Variants in MIA2 observed in about 807,000 individuals in gnomAD.
The protein encoded by MIA2 is melanoma inhibitory activity protein 2.
Under a neutral mutation model 167.8 loss-of-function variants are expected in MIA2, and 127 were observed. That is an observed-to-expected ratio of 0.76 (90% CI 0.66 to 0.88). The LOEUF is 0.88. Among genes scored for constraint, MIA2 ranks in the 40% least tolerant of loss-of-function variants. The pLI is 0.00. For missense variants in MIA2, 1,690 were observed against 1,624.7 expected (o/e 1.04, Z -0.69); for synonymous variants, 552 against 541.9 (o/e 1.02, Z -0.26).
intron 23 of MIA2, among the ~76,000 whole-genome samples, chr14:39,385,213 C>T (rs1280758374): frequency 2.0e-5 from 3 of 151,968 alleles, no homozygotes; most frequent in African/African-American, 7.3e-5. Context: ...CCTGACAAAC[C>T]CAAAGATCTA....
At chr14:39,279,686 A>T (rs976424664) in intron 9 of MIA2, 149 bp downstream of exon 9, 3 of 601,298 alleles carry the variant, frequency 5.0e-6, no homozygotes, top group Non-Finnish European at 8.6e-6. Context: ...ACACTTAACC[A>T]GTCTTACTAA....
At chr14:39,370,647 G>A (rs1462728606) in intron 23 of MIA2, 1 of 309,642 alleles carries the variant, frequency 3.2e-6, no homozygotes, top group Non-Finnish European at 6.6e-6. Flanking sequence ...TGCTGCCCGA[G>A]TCTGTCGCAC....
chr14:39,290,021 A>T (rs111580577), intron 9 of MIA2, among the ~76,000 whole-genome samples: 1 of 152,170 alleles, frequency 6.6e-6, no homozygotes, highest in Non-Finnish European at 1.5e-5. Flanking sequence ...ATAATTCTGG[A>T]TGCTTTTTCC....
intron 9 of MIA2, among the ~76,000 whole-genome samples, chr14:39,289,794 C>G (rs1484675230): frequency 6.6e-6 from 1 of 152,158 alleles, no homozygotes; most frequent in Non-Finnish European, 1.5e-5. Flanking sequence ...TAAAACCAAT[C>G]TTGGGGGCAA....
intron 23 of MIA2, among the ~76,000 whole-genome samples, chr14:39,367,085 A>G (rs1355831109): frequency 7.2e-5 from 11 of 152,152 alleles, no homozygotes; most frequent in African/African-American, 2.4e-4. Flanking sequence ...GGTTTTTATC[A>G]ATGGCAGTAG....
chr14:39,353,512 A>T (rs2074445193), downstream of MIA2, among the ~76,000 whole-genome samples: 2 of 152,234 alleles, frequency 1.3e-5, no homozygotes, highest in Middle Eastern at 3.4e-3. Context: ...TGTTGCTGCA[A>T]ATGATGTGAT....
At chr14:39,300,615 A>C (rs935961229) in intron 14 of MIA2, among the ~76,000 whole-genome samples, 1 of 142,678 alleles carries the variant, frequency 7.0e-6, no homozygotes, top group African/African-American at 2.6e-5. Context: ...GGAGTTGAAC[A>C]ATGAGGACAC....
Position 39,313,437 on chromosome 14 carries a change from T to G in MIA2, c.3115T>G (p.Tyr1039Asp). ...CCATGCCACTGAAGAGCTGGAGACC[T>G]ATAGGTATTAAATACATTTTTCTGG... The part of the protein sequence containing the change: ...ISHATEELET[Y>D]RKRAKDLEEE... Residue 1039 changes from tyrosine to aspartate, a missense_variant, in exon 19 of 29, where the codon TAT (tyrosine) becomes GAT (aspartate). Transcript: ENST00000640607. The G allele has an allele frequency of 6.4e-7, 1 of 1,566,514 alleles. No homozygotes were observed. Among genetic ancestry groups the G allele is most frequent in the Non-Finnish European group, 8.7e-7 (1 of 1,153,528 alleles).
chr14:39,369,774 A>G (rs1235720368), intron 23 of MIA2, among the ~76,000 whole-genome samples: 1 of 151,978 alleles, frequency 6.6e-6, no homozygotes, highest in African/African-American at 2.4e-5. Context: ...AATTGTTACC[A>G]CCTTCTGAAG....
At chr14:39,314,144 G>A (rs865834588) in intron 19 of MIA2, among the ~76,000 whole-genome samples, 10 of 152,118 alleles carry the variant, frequency 6.6e-5, no homozygotes, top group African/African-American at 2.4e-4. Context: ...CCTGTACTTT[G>A]GGAGGCCAAG....
At chr14:39,373,601 A>C (rs1186865684) in intron 23 of MIA2, among the ~76,000 whole-genome samples, 1 of 152,062 alleles carries the variant, frequency 6.6e-6, no homozygotes, top group African/African-American at 2.4e-5. Flanking sequence ...GTGGTGGATC[A>C]CCTGAGGTCA....
rs8177 is a variant in MIA2, at chr14:39,350,530, T to G, written c.*266T>G. The G allele has an allele frequency of 0.41, 128,108 of 309,402 alleles. 28,616 individuals are homozygous for G. Among genetic ancestry groups the G allele is most frequent in the African/African-American group, 0.63 (29,410 of 46,546 alleles). 19.2% of individuals were successfully genotyped at this position (309,402 alleles called of 1,614,324 possible). A position where few individuals can be genotyped will look rare whatever the true frequency, so the allele number is the denominator to read the frequency against. ...GTGGGAGTTTTATATATGTAATCTT[T>G]CAGGTGGGGAGGCTTTAAATTCTGA... On this transcript the variant is annotated 3_prime_UTR_variant, in exon 29 of 29. Coordinates refer to ENST00000640607, the MANE Select transcript of MIA2 (RefSeq NM_001329214.4).
At chr14:39,385,370 C>A (rs1375212436) in intron 23 of MIA2, 12 of 1,025,260 alleles carry the variant, frequency 1.2e-5, no homozygotes, top group Non-Finnish European at 1.8e-5. Context: ...ACAAGACATT[C>A]ATAAACTATA....
chr14:39,257,915 A>C (rs1252502483), intron 6 of MIA2, among the ~76,000 whole-genome samples: 2 of 151,946 alleles, frequency 1.3e-5, no homozygotes, highest in African/African-American at 2.4e-5. Context: ...ATTGGCCCCC[A>C]CTCTCTTCTG....
intron 6 of MIA2, among the ~76,000 whole-genome samples, chr14:39,258,857 G>A (rs901731013): frequency 4.6e-5 from 7 of 152,206 alleles, no homozygotes; most frequent in Admixed American, 2.0e-4. Flanking sequence ...CAGGTCTGCT[G>A]CAGTTTGCTG....
intron 28 of MIA2, among the ~76,000 whole-genome samples, chr14:39,349,412 A>G (rs8018486): frequency 0.18 from 26,865 of 152,208 alleles, 2,531 homozygotes; most frequent in Middle Eastern, 0.29. Flanking sequence ...AAAACTTAAA[A>G]TGTATTTATT....
At chr14:39,253,263 G>T (rs1281276636) in intron 6 of MIA2, 92 bp downstream of exon 6, 1 of 1,474,064 alleles carries the variant, frequency 6.8e-7, no homozygotes, top group East Asian at 2.3e-5. Flanking sequence ...AATCCTCCCT[G>T]TTTAATGTTT....
intron 13 of MIA2, among the ~76,000 whole-genome samples, chr14:39,297,549 T>C (rs11620695): frequency 0.27 from 40,324 of 152,026 alleles, 5,529 homozygotes; most frequent in East Asian, 0.5. Flanking sequence ...GACTGTTCAG[T>C]AGTCAGTTTC....
chr14:39,369,222 G>C (rs2074886062), intron 23 of MIA2, among the ~76,000 whole-genome samples: 1 of 152,162 alleles, frequency 6.6e-6, no homozygotes, highest in Non-Finnish European at 1.5e-5. Context: ...TGAGCAGATA[G>C]GGATCTGGTT....
Sources: allele counts gnomAD v4.1 joint callset (sites outside exome capture counted in the v4.1 genomes callset), GRCh38; gene constraint gnomAD v4.1.1; transcripts MANE v1.5; gene names NCBI Gene and HGNC (gene_info 2026-07-23, HGNC 2026-07-21).